Variants in ATP8A2 observed in about 807,000 individuals in gnomAD.
The protein encoded by ATP8A2 is phospholipid-transporting ATPase IB.
ATP8A2 carries 100 observed loss-of-function variants against 165.6 expected under a neutral mutation model. That is an observed-to-expected ratio of 0.60 (90% confidence interval 0.51 to 0.71). The LOEUF (loss-of-function observed/expected upper bound fraction) is 0.71. Ranked by LOEUF, ATP8A2 falls within the 30% of genes least tolerant of loss-of-function variation. ATP8A2 has a pLI of 0.00. For missense variants in ATP8A2, 1,227 were observed against 1,479.5 expected (o/e 0.83, Z 2.80); for synonymous variants, 543 against 548.8 (o/e 0.99, Z 0.15).
At chr13:25,423,549 C>T (rs1374735645) in intron 1 of ATP8A2, among the ~76,000 whole-genome samples, 1 of 152,098 alleles carries the variant, frequency 6.6e-6, no homozygotes, top group Non-Finnish European at 1.5e-5. Flanking sequence ...AAAGCTGTAC[C>T]AGTCTATATT....
At position 25,395,906 on chromosome 13, in the gene ATP8A2, C is replaced by T. The variant is rs139693995; in HGVS notation, c.76+23618C>T. ...GTCCCCAGGCTGGAGTGCAGTGGCGCAATCTCAGCTCACTGCTACCTCCGT... is the reference window on the plus strand; with the variant it reads ...GTCCCCAGGCTGGAGTGCAGTGGCGTAATCTCAGCTCACTGCTACCTCCGT... On this transcript the variant is annotated intron_variant, in intron 1 of 36. Coordinates refer to ENST00000381655, the MANE Select transcript of ATP8A2 (RefSeq NM_016529.6). 2.9e-3 allele frequency among the ~76,000 whole-genome samples: 438 copies of T among 152,084 alleles called. 2 individuals carry two copies. Among genetic ancestry groups the T allele is most frequent in the African/African-American group, 1.0e-2 (414 of 41,478 alleles).
Position 25,372,419 on chromosome 13 carries a change from T to G in ATP8A2, c.76+131T>G. 1 of 626,864 alleles carries G rather than the reference T, an allele frequency of 1.6e-6. No individual in the cohort carries two copies. Among genetic ancestry groups the G allele is most frequent in the Non-Finnish European group, 2.3e-6 (1 of 434,866 alleles). The allele number at this position is 626,864 out of a possible 1,614,324, so 38.8% of individuals were successfully genotyped here. A position where few individuals can be genotyped will look rare whatever the true frequency, so the allele number is the denominator to read the frequency against. ...CCTGGGCTCCCTGGGCTCTCTGGGC[T>G]GCAGGATCCGCCGACGCGGCGCGCT... On this transcript the variant is annotated intron_variant, in intron 1 of 36. Transcript: ENST00000381655. This position sits in a 1 kb window ranked among gnomAD's most constrained non-coding sequence, Gnocchi z 4.8.
At chr13:25,513,827 C>T (rs905885073) in intron 2 of ATP8A2, among the ~76,000 whole-genome samples, 6 of 152,320 alleles carry the variant, frequency 3.9e-5, no homozygotes, top group South Asian at 4.1e-4. Flanking sequence ...CGTGGCGGCG[C>T]GCGCCTGCAA....
chr13:25,643,763 T>C (rs1427296963), intron 24 of ATP8A2, among the ~76,000 whole-genome samples: 1 of 151,602 alleles, frequency 6.6e-6, no homozygotes, highest in East Asian at 2.0e-4. Context: ...CAGTTCCAGA[T>C]GAATTTTAGG....
chr13:26,020,033 C>A lies in ATP8A2; in HGVS notation c.*48C>A. On this transcript the variant is annotated 3_prime_UTR_variant, in exon 37 of 37. Transcript: ENST00000381655. ...CTTAGGAAAGAGATTCAGTTTGTTG[C>A]ACCCAGTGTTAACACATCTTTGTCA... 7.4e-7 allele frequency: 1 copy of A among 1,352,956 alleles called. No individual in the cohort carries two copies. The highest frequency in any genetic ancestry group is 1.1e-6 in the Non-Finnish European group (1 of 944,592). 83.8% of individuals were successfully genotyped at this position (1,352,956 alleles called of 1,614,324 possible). A position where few individuals can be genotyped will look rare whatever the true frequency, so the allele number is the denominator to read the frequency against.
At chr13:25,879,758 C>T (rs902207462) in intron 33 of ATP8A2, among the ~76,000 whole-genome samples, 11 of 152,098 alleles carry the variant, frequency 7.2e-5, no homozygotes, top group Non-Finnish European at 1.3e-4. Context: ...ACAGTCCTGG[C>T]GATACCCACA....
chr13:25,899,174 C>T (rs1593527021), intron 33 of ATP8A2, among the ~76,000 whole-genome samples: 1 of 152,200 alleles, frequency 6.6e-6, no homozygotes, highest in African/African-American at 2.4e-5. Flanking sequence ...GTTGGCTCCA[C>T]CCCAAGTCCA....
At chr13:25,569,792 A>C (rs1209376612) in intron 16 of ATP8A2, among the ~76,000 whole-genome samples, 1 of 152,250 alleles carries the variant, frequency 6.6e-6, no homozygotes, top group African/African-American at 2.4e-5. Flanking sequence ...CATCCCAACA[A>C]GAAACTACTG....
rs541917317 is a variant in ATP8A2 at position 25,940,908 on chromosome 13, G to T, written c.3184-20667G>T. The stretch of plus-strand genomic sequence containing the variant: ...AGGAGAATCAACAGCAACGTGGGTT[G>T]TCAGGAGGGTGAGCTGAGCTGATTC... On this transcript the variant is annotated intron_variant, in intron 33 of 36. Coordinates refer to ENST00000381655, the MANE Select transcript of ATP8A2 (RefSeq NM_016529.6). Among the ~76,000 whole-genome samples, 72 of 152,322 alleles carry T rather than the reference G, an allele frequency of 4.7e-4. 1 individual carries two copies. In the South Asian group the frequency reaches 0.014, roughly 29 times the overall value.
At chr13:25,495,651 G>T (rs1418786976) in intron 2 of ATP8A2, among the ~76,000 whole-genome samples, 43 of 118,368 alleles carry the variant, frequency 3.6e-4, no homozygotes, top group African/African-American at 1.4e-3. Flanking sequence ...TTTTTTTTAA[G>T]AGATGGGGTC....
intron 33 of ATP8A2, among the ~76,000 whole-genome samples, chr13:25,954,450 C>T (rs1011683885): frequency 6.6e-6 from 1 of 152,124 alleles, no homozygotes; most frequent in African/African-American, 2.4e-5. Flanking sequence ...CTTAAACGTT[C>T]TTGCCTGCCG....
intron 15 of ATP8A2, among the ~76,000 whole-genome samples, chr13:25,560,526 C>A (rs1239294874): frequency 6.6e-6 from 1 of 151,534 alleles, no homozygotes; most frequent in Non-Finnish European, 1.5e-5. Flanking sequence ...ATGGTGAAAC[C>A]CTGTCTCTAC....
At position 25,946,879 on chromosome 13, in the gene ATP8A2, CTGGGAT is replaced by C. The variant is rs577404695; in HGVS notation, c.3184-14694_3184-14689del. ...TCTCCTGCCTCAGCCTCCCAAGTAG[CTGGGAT>C]TACAGCCATGCACCACCACGCCTGG... is the stretch of plus-strand genomic sequence containing the variant. On this transcript the variant is annotated intron_variant, in intron 33 of 36. Transcript: ENST00000381655. Among the ~76,000 whole-genome samples the C allele has an allele frequency of 4.4e-3, 676 of 152,256 alleles. 5 individuals carry two copies. The highest frequency in any genetic ancestry group is 0.015 in the African/African-American group (617 of 41,516).
At chr13:25,532,352 A>G in intron 5 of ATP8A2, 35 bp downstream of exon 5, 2 of 1,528,004 alleles carry the variant, frequency 1.3e-6, no homozygotes, top group Non-Finnish European at 1.8e-6. Flanking sequence ...TTTCCACTGG[A>G]AAACTTAAGA....
intron 25 of ATP8A2, among the ~76,000 whole-genome samples, chr13:25,765,879 G>A (rs550035483): frequency 6.6e-6 from 1 of 152,132 alleles, no homozygotes; most frequent in Non-Finnish European, 1.5e-5. Context: ...GGTCTGTTTA[G>A]GTCCTTCCCT....
intron 2 of ATP8A2, among the ~76,000 whole-genome samples, chr13:25,503,007 G>C (rs1343148693): frequency 6.6e-6 from 1 of 152,170 alleles, no homozygotes; most frequent in Non-Finnish European, 1.5e-5. Context: ...ATTGAGAGCT[G>C]TCCAGCCGAG....
At chr13:25,647,256 C>A (rs1286436175) in intron 24 of ATP8A2, among the ~76,000 whole-genome samples, 2 of 152,126 alleles carry the variant, frequency 1.3e-5, no homozygotes, top group Non-Finnish European at 2.9e-5. Context: ...TTAAAAAATT[C>A]CCTTTAGCAA....
intron 33 of ATP8A2, among the ~76,000 whole-genome samples, chr13:25,942,011 A>G (rs1305482608): frequency 6.6e-6 from 1 of 152,200 alleles, no homozygotes; most frequent in East Asian, 1.9e-4. Flanking sequence ...GAAAATATTA[A>G]CAATACACAG....
intron 13 of ATP8A2, among the ~76,000 whole-genome samples, chr13:25,555,817 T>C (rs190308286): frequency 6.6e-6 from 1 of 152,032 alleles, no homozygotes; most frequent in African/African-American, 2.4e-5. Context: ...GTTCCCATAT[T>C]TATGTCCTTG....
Sources: allele counts gnomAD v4.1 joint callset (sites outside exome capture counted in the v4.1 genomes callset), GRCh38; gene constraint gnomAD v4.1.1; non-coding constraint Gnocchi (gnomAD v3.1); transcripts MANE v1.5; gene names NCBI Gene and HGNC (gene_info 2026-07-23, HGNC 2026-07-21).